Variants in CDC25A observed in about 807,000 individuals in gnomAD.
The protein encoded by CDC25A is M-phase inducer phosphatase 1.
A neutral mutation model predicts 64.6 loss-of-function variants in CDC25A; 17 were observed. The ratio of observed to expected loss-of-function variants is 0.26; its 90% CI spans 0.18 to 0.39. The LOEUF is 0.39. Ranked by LOEUF, CDC25A falls within the 10% of genes least tolerant of loss-of-function variation. CDC25A has a pLI of 1.00. For synonymous variants in CDC25A, 229 were observed against 238.6 expected, an observed-to-expected ratio of 0.96 and a Z score of 0.37; for missense variants, 473 against 654.8, an observed-to-expected ratio of 0.72 and a Z score of 3.03.
rs1393348779 is a variant in CDC25A at position 48,158,183 on chromosome 3, T to C, written c.*762A>G. On this transcript the variant is annotated 3_prime_UTR_variant, in exon 15 of 15. Transcript: ENST00000302506. Reference sequence around the variant, plus strand: ...CCAAATAGATATCGGTAGCCAGTGGTGGGTCTGGGAGATTTAGCTTATGTC... The same window carrying C: ...CCAAATAGATATCGGTAGCCAGTGGCGGGTCTGGGAGATTTAGCTTATGTC... 1 of 152,648 alleles carries C rather than the reference T, an allele frequency of 6.6e-6. No homozygotes were observed. The highest frequency in any genetic ancestry group is 2.4e-5 in the African/African-American group (1 of 41,434). 9.5% of individuals were successfully genotyped at this position (152,648 alleles called of 1,614,324 possible).
chr3:48,159,177 G>A (rs972616469), intron 14 of CDC25A, 92 bp from the exon 15 acceptor site: 4 of 1,501,242 alleles, frequency 2.7e-6, no homozygotes, highest in East Asian at 2.3e-5. Context: ...GGCTGAAAGC[G>A]GCCAGGCAGA....
chr3:48,174,611 A>C, intron 8 of CDC25A, 154 bp from the exon 9 acceptor site: 12 of 664,612 alleles, frequency 1.8e-5, no homozygotes, highest in East Asian at 2.8e-5. Flanking sequence ...AGCAACTCTC[A>C]CAGGGCCTGG....
chr3:48,166,822 T>G (rs1477695772), intron 10 of CDC25A, among the ~76,000 whole-genome samples: 1 of 152,160 alleles, frequency 6.6e-6, no homozygotes, highest in Non-Finnish European at 1.5e-5. Flanking sequence ...GGGGAGCACT[T>G]GAGGCCATAA....
intron 3 of CDC25A, among the ~76,000 whole-genome samples, 192 bp from the exon 4 acceptor site, chr3:48,184,028 A>T (rs1219556470): frequency 6.6e-6 from 1 of 151,718 alleles, no homozygotes; most frequent in Non-Finnish European, 1.5e-5. Flanking sequence ...CTTCTAGGTG[A>T]AAAAAAACAA....
At chr3:48,166,033 C>A in intron 10 of CDC25A, 140 bp from the exon 11 acceptor site, 1 of 656,218 alleles carries the variant, frequency 1.5e-6, no homozygotes, top group Non-Finnish European at 2.7e-6. Flanking sequence ...ACCTGTAATC[C>A]CAGCACTTTG....
chr3:48,167,770 G>A, intron 10 of CDC25A, 76 bp downstream of exon 10: 4 of 813,126 alleles, frequency 4.9e-6, no homozygotes, highest in Non-Finnish European at 6.5e-6. Context: ...ACCCTGGGGA[G>A]GGAGACAGGC....
At chr3:48,162,619 G>A (rs561236662) in intron 13 of CDC25A, among the ~76,000 whole-genome samples, 10 of 152,006 alleles carry the variant, frequency 6.6e-5, no homozygotes, top group South Asian at 2.1e-4. Context: ...AGGCCGAGAC[G>A]GGCAGATCGC....
At position 48,186,692 on chromosome 3, in the gene CDC25A, G is replaced by A. The variant is rs757623692; in HGVS notation, c.247+11C>T. Reference sequence around the variant, plus strand: ...TCAGAGTATTGCTCCCCACACAGCAGACTTAAATACCTGAATCTGTTGACT... The same window carrying A: ...TCAGAGTATTGCTCCCCACACAGCAAACTTAAATACCTGAATCTGTTGACT... On this transcript the variant is annotated intron_variant, in intron 2 of 14. Transcript: ENST00000302506. 1 of 1,556,190 alleles carries A rather than the reference G, an allele frequency of 6.4e-7. No homozygotes were observed. The highest frequency in any genetic ancestry group is 1.7e-5 in the Admixed American group (1 of 58,448).
At chr3:48,177,118 T>C (rs1482143020) in intron 8 of CDC25A, among the ~76,000 whole-genome samples, 1 of 152,330 alleles carries the variant, frequency 6.6e-6, no homozygotes, top group South Asian at 2.1e-4. Context: ...ATAGGCTTTT[T>C]TCAAACTGAC....
intron 13 of CDC25A, chr3:48,161,444 T>C (rs1455634347): frequency 6.5e-6 from 1 of 153,656 alleles, no homozygotes; most frequent in African/African-American, 2.4e-5. Context: ...GGGCTGGGCA[T>C]GGCGGCTCAC....
At position 48,158,879 on chromosome 3, in the gene CDC25A, C is replaced by G; in HGVS notation, c.*66G>C. 3.8e-6 allele frequency: 6 copies of G among 1,581,718 alleles called. No individual in the cohort carries two copies. The highest frequency in any genetic ancestry group is 5.2e-6 in the Non-Finnish European group (6 of 1,161,164). On this transcript the variant is annotated 3_prime_UTR_variant, in exon 15 of 15. Coordinates refer to ENST00000302506, the MANE Select transcript of CDC25A (RefSeq NM_001789.3). ...AGCTGTCCCCTTTGCTTAAGTTTCT[C>G]TGCAGCAAAGAGGGTAAAGGGGGAT...
chr3:48,186,779 A>G lies in CDC25A; in HGVS notation c.171T>C (p.Ser57=). Residue 57 remains serine (S), a splice_region_variant and synonymous_variant, in exon 2 of 15, where the codon AGT becomes AGC. Coordinates refer to ENST00000302506, the MANE Select transcript of CDC25A (RefSeq NM_001789.3). ...TCACCTCCAGTGGTTGCTCATAATC[A>G]CTGAAACCAACAGAAATAAACCATG... ...VTMDQLQGLG[S]DYEQPLEVKN... is the part of the protein sequence containing the mutation. 6.3e-7 allele frequency: 1 copy of G among 1,578,976 alleles called. No individual in the cohort carries two copies.
At chr3:48,187,703 G>A in intron 1 of CDC25A, 75 bp downstream of exon 1, 1 of 1,403,500 alleles carries the variant, frequency 7.1e-7, no homozygotes, top group East Asian at 3.0e-5. Flanking sequence ...CTCCCGGTCC[G>A]TTTCCTGGCC....
At chr3:48,168,783 G>T (rs1231642856) in intron 9 of CDC25A, among the ~76,000 whole-genome samples, 2 of 151,908 alleles carry the variant, frequency 1.3e-5, no homozygotes, top group Non-Finnish European at 2.9e-5. Context: ...CTCCAGAGCA[G>T]CTGAGACTAT....
At chr3:48,172,823 C>G (rs2032316521) in intron 9 of CDC25A, among the ~76,000 whole-genome samples, 1 of 152,112 alleles carries the variant, frequency 6.6e-6, no homozygotes, top group African/African-American at 2.4e-5. Flanking sequence ...GAGATCATGC[C>G]ACTGCACTCC....
chr3:48,161,277 G>A (rs1461195146), intron 13 of CDC25A: 1 of 154,936 alleles, frequency 6.5e-6, no homozygotes, highest in Non-Finnish European at 1.4e-5. Context: ...ATCTGTAGAT[G>A]GTGATATAAA....
At chr3:48,166,104 G>A (rs2032006101) in intron 10 of CDC25A, among the ~76,000 whole-genome samples, 1 of 152,110 alleles carries the variant, frequency 6.6e-6, no homozygotes, top group South Asian at 2.1e-4. Context: ...GGCCAACATG[G>A]TGAAACCCCA....
At chr3:48,183,080 G>C in intron 4 of CDC25A, 50 bp from the exon 5 acceptor site, 1 of 1,371,694 alleles carries the variant, frequency 7.3e-7, no homozygotes, top group Non-Finnish European at 1.0e-6. Flanking sequence ...TAAAATTTCA[G>C]TGGAAAATTC....
At chr3:48,171,395 T>C (rs1474609686) in intron 9 of CDC25A, among the ~76,000 whole-genome samples, 1 of 151,368 alleles carries the variant, frequency 6.6e-6, no homozygotes, top group African/African-American at 2.4e-5. Context: ...TTTTTTTTTT[T>C]TTTGAGATGA....
Sources: gnomAD v4.1 joint callset for allele counts (sites outside exome capture counted in the v4.1 genomes callset) on GRCh38, gnomAD v4.1.1 for gene constraint, MANE v1.5 for transcripts, NCBI Gene and HGNC (gene_info 2026-07-23, HGNC 2026-07-21) for gene names.